GABRB3: variants seen among roughly 807,000 people sequenced by gnomAD.
GABRB3 encodes the protein gamma-aminobutyric acid type A receptor subunit beta3.
GABRB3 carries 14 observed loss-of-function variants against 52.1 expected under a neutral mutation model. The observed-to-expected ratio is 0.27, with a 90% CI of 0.18 to 0.42. The LOEUF is 0.42. Among genes scored for constraint, GABRB3 ranks in the 10% least tolerant of loss-of-function variants. GABRB3 has a pLI of 1.00. For missense variants in GABRB3, 307 were observed against 609.1 expected (o/e 0.50, Z 5.22); for synonymous variants, 260 against 232.3 (o/e 1.12, Z -1.08).
At chr15:26,764,647 C>T (rs1183411453) in intron 3 of GABRB3, among the ~76,000 whole-genome samples, 1 of 152,126 alleles carries the variant, frequency 6.6e-6, no homozygotes, top group African/African-American at 2.4e-5. Flanking sequence ...CTGAGCAAAT[C>T]GCCAAGAGAC....
At chr15:26,761,598 T>G (rs140748777) in intron 3 of GABRB3, among the ~76,000 whole-genome samples, 1 of 152,218 alleles carries the variant, frequency 6.6e-6, no homozygotes, top group South Asian at 2.1e-4. Context: ...CCTGTGTATA[T>G]AATAGAATAT....
At chr15:26,607,650 A>T (rs1891887447) in intron 4 of GABRB3, among the ~76,000 whole-genome samples, 1 of 152,154 alleles carries the variant, frequency 6.6e-6, no homozygotes, top group South Asian at 2.1e-4. Flanking sequence ...CTTACAAAAA[A>T]CATTAATAGT....
intron 4 of GABRB3, among the ~76,000 whole-genome samples, chr15:26,593,476 A>AAC (rs1891279336): frequency 6.6e-6 from 1 of 152,126 alleles, no homozygotes; most frequent in Non-Finnish European, 1.5e-5. Context: ...CGATTACCCT[A>AAC]ACCCCAGGCC....
intron 3 of GABRB3, among the ~76,000 whole-genome samples, chr15:26,640,416 C>G (rs977544143): frequency 1.3e-5 from 2 of 152,040 alleles, no homozygotes; most frequent in African/African-American, 2.4e-5. Flanking sequence ...TCTAGGGAGG[C>G]TGAGGCAGGA....
intron 3 of GABRB3, among the ~76,000 whole-genome samples, chr15:26,661,953 T>C (rs1178073203): frequency 1.3e-5 from 2 of 152,168 alleles, no homozygotes; most frequent in African/African-American, 4.8e-5. Flanking sequence ...AAATGTTGCA[T>C]TATATAACAG....
chr15:26,685,189 A>G (rs1888363618), intron 3 of GABRB3, among the ~76,000 whole-genome samples: 1 of 152,296 alleles, frequency 6.6e-6, no homozygotes, highest in East Asian at 1.9e-4. Flanking sequence ...CACCTGGGTC[A>G]CTGCCCTACT....
In GABRB3 at chr15:26,772,157, G is replaced by T. The variant is rs1595363365; in HGVS notation, c.240+245C>A. The T allele has an allele frequency of 9.2e-6, 4 of 434,300 alleles. No homozygotes were observed. The East Asian group carries it at 1.7e-4, about 18-fold the overall frequency. The allele number at this position is 434,300 out of a possible 1,614,324, so 26.9% of individuals were successfully genotyped here. A position where few individuals can be genotyped will look rare whatever the true frequency, so the allele number is the denominator to read the frequency against. On this transcript the variant is annotated intron_variant, in intron 3 of 8. Transcript: ENST00000311550. ...AGCGGCAGATGGGAGCACTAGGCCG[G>T]CCAGGACTCCCCCGCAGGAAGGGTG...
chr15:26,695,096 A>G (rs1276308948), intron 3 of GABRB3, among the ~76,000 whole-genome samples: 2 of 152,212 alleles, frequency 1.3e-5, no homozygotes, highest in Non-Finnish European at 1.5e-5. Context: ...TGTAATGGTA[A>G]TAACAGAAGA....
intron 3 of GABRB3, among the ~76,000 whole-genome samples, chr15:26,622,230 C>G (rs1791239707): frequency 6.6e-6 from 1 of 152,100 alleles, no homozygotes; most frequent in African/African-American, 2.4e-5. Flanking sequence ...ATGGTGTTGT[C>G]CACAGGCTTG....
intron 3 of GABRB3, among the ~76,000 whole-genome samples, chr15:26,664,336 A>C (rs1368041596): frequency 6.6e-6 from 1 of 152,202 alleles, no homozygotes; most frequent in Non-Finnish European, 1.5e-5. Context: ...ACTTTTAAAA[A>C]AACTCATGAG....
Position 26,561,246 on chromosome 15 carries a change from T to C in GABRB3, c.836-70A>G, listed in dbSNP as rs3751583. ...TGGTCTTCACTTTTCACTTTCCTTT[T>C]ATGTTTTCTCAAACAGCTTTAAGTA... On this transcript the variant is annotated intron_variant, in intron 7 of 8. Coordinates refer to ENST00000311550, the MANE Select transcript of GABRB3 (RefSeq NM_000814.6). 0.072 allele frequency: 115,207 copies of C among 1,602,640 alleles called. 4,620 individuals carry two copies. Among genetic ancestry groups the C allele is most frequent in the South Asian group, 0.12 (10,683 of 90,824 alleles).
At position 26,732,715 on chromosome 15, in the gene GABRB3, G is replaced by A. The variant is rs376901597; in HGVS notation, c.240+39687C>T. Among the ~76,000 whole-genome samples the A allele has an allele frequency of 3.9e-5, 6 of 151,952 alleles. No homozygotes were observed. In the South Asian group the frequency reaches 6.2e-4, roughly 16 times the overall value. ...GCTGAGTAGCTGGGATAACAGGCACGCGCTACCGTGGCCAGCTGTAATCCC... is the reference window on the plus strand; with the variant it reads ...GCTGAGTAGCTGGGATAACAGGCACACGCTACCGTGGCCAGCTGTAATCCC... On this transcript the variant is annotated intron_variant, in intron 3 of 8. Transcript: ENST00000311550.
intron 4 of GABRB3, 71 bp from the exon 5 acceptor site, chr15:26,583,485 T>C: frequency 7.8e-7 from 1 of 1,274,546 alleles, no homozygotes; most frequent in East Asian, 2.3e-5. Flanking sequence ...TCCTCTTAGA[T>C]AAACGAGTAA....
At chr15:26,678,174 A>G (rs1168069205) in intron 3 of GABRB3, among the ~76,000 whole-genome samples, 1 of 152,192 alleles carries the variant, frequency 6.6e-6, no homozygotes, top group Non-Finnish European at 1.5e-5. Context: ...GACCCACTCA[A>G]TCCTTGGTGA....
intron 4 of GABRB3, among the ~76,000 whole-genome samples, chr15:26,617,591 T>G (rs932162009): frequency 1.3e-5 from 2 of 152,024 alleles, no homozygotes; most frequent in Admixed American, 6.6e-5. Context: ...AGCATTCCCT[T>G]TGAAAACTGG....
intron 3 of GABRB3, among the ~76,000 whole-genome samples, chr15:26,769,265 A>T (rs1891079132): frequency 6.6e-6 from 1 of 152,192 alleles, no homozygotes. Context: ...TTCACTACAT[A>T]CACGTTTTCA....
At chr15:26,735,019 T>C (rs556352374) in intron 3 of GABRB3, among the ~76,000 whole-genome samples, 2 of 152,316 alleles carry the variant, frequency 1.3e-5, no homozygotes, top group Non-Finnish European at 2.9e-5. Context: ...ATATCCAGAA[T>C]ATATAGAAAA....
At chr15:26,592,114 A>T (rs191345792) in intron 4 of GABRB3, among the ~76,000 whole-genome samples, 58 of 152,316 alleles carry the variant, frequency 3.8e-4, no homozygotes, top group Non-Finnish European at 4.9e-4. Context: ...AAGCTGTCAC[A>T]GCTGGAGGAA....
At chr15:26,627,999 C>G (rs114785528) in intron 3 of GABRB3, among the ~76,000 whole-genome samples, 1 of 152,212 alleles carries the variant, frequency 6.6e-6, no homozygotes, top group Admixed American at 6.5e-5. Flanking sequence ...CCACCCTGAT[C>G]AGCCAGCAGC....
Sources: allele counts gnomAD v4.1 joint callset (sites outside exome capture counted in the v4.1 genomes callset), GRCh38; gene constraint gnomAD v4.1.1; transcripts MANE v1.5; gene names NCBI Gene and HGNC (gene_info 2026-07-23, HGNC 2026-07-21).